Variants in FOXP1 observed in about 807,000 individuals in gnomAD.
FOXP1 encodes forkhead box protein P1.
Under a neutral mutation model 98.2 loss-of-function variants are expected in FOXP1, and 15 were observed. The observed-to-expected ratio is 0.15, with a 90% CI of 0.10 to 0.24. The LOEUF is 0.24. Among genes scored for constraint, FOXP1 ranks in the 10% least tolerant of loss-of-function variants. The probability of loss-of-function intolerance (pLI) is 1.00; values close to 1 mark genes in which losing one functional copy is unlikely to be tolerated. For missense variants in FOXP1, 633 were observed against 848.5 expected, an observed-to-expected ratio of 0.75 and a Z score of 3.15; for synonymous variants, 371 against 314.5, an observed-to-expected ratio of 1.18 and a Z score of -1.90.
intron 2 of FOXP1, among the ~76,000 whole-genome samples, chr3:71,554,495 A>T (rs1277762084): frequency 2.0e-5 from 3 of 152,222 alleles, no homozygotes; most frequent in Non-Finnish European, 4.4e-5. Flanking sequence ...CAACAGAATG[A>T]AATTCTGTTG....
At chr3:71,413,194 A>T (rs2082903512) in intron 3 of FOXP1, among the ~76,000 whole-genome samples, 1 of 92,592 alleles carries the variant, frequency 1.1e-5, no homozygotes, top group African/African-American at 4.2e-5. Flanking sequence ...AGACACACAC[A>T]CACCACCCCC....
At chr3:70,966,255 A>T (rs2034743993) in intron 19 of FOXP1, 199 bp from the exon 20 acceptor site, 2 of 614,022 alleles carry the variant, frequency 3.3e-6, no homozygotes, top group Non-Finnish European at 5.9e-6. Flanking sequence ...TTGAAGAGCT[A>T]ACTGGGGGCC....
At chr3:71,470,379 T>C (rs954315292) in intron 3 of FOXP1, among the ~76,000 whole-genome samples, 6 of 152,242 alleles carry the variant, frequency 3.9e-5, no homozygotes, top group Admixed American at 2.6e-4. Flanking sequence ...TTACTATTAT[T>C]GTTGTTATTC....
At chr3:71,293,524 G>A (rs1410033166) in intron 5 of FOXP1, among the ~76,000 whole-genome samples, 1 of 151,148 alleles carries the variant, frequency 6.6e-6, no homozygotes, top group Non-Finnish European at 1.5e-5. Flanking sequence ...ATTTGGTTTT[G>A]TATTTTTGAT....
intron 1 of FOXP1, chr3:71,582,504 A>G (rs924723848): frequency 2.0e-6 from 2 of 985,264 alleles, no homozygotes; most frequent in African/African-American, 3.5e-5. Flanking sequence ...CAAGCGAGGG[A>G]CGGAGAGCCA....
At chr3:71,320,053 T>G (rs1211009179) in intron 4 of FOXP1, among the ~76,000 whole-genome samples, 3 of 152,098 alleles carry the variant, frequency 2.0e-5, no homozygotes, top group Non-Finnish European at 4.4e-5. Flanking sequence ...CTGCCTTTGG[T>G]TTTGCTCTCC....
intron 5 of FOXP1, among the ~76,000 whole-genome samples, chr3:71,228,981 TGA>T (rs1560150505): frequency 3.4e-5 from 5 of 145,662 alleles, no homozygotes; most frequent in African/African-American, 2.5e-5. Flanking sequence ...TTTTTTTTTT[TGA>T]TGTCTCATTT....
intron 11 of FOXP1, among the ~76,000 whole-genome samples, chr3:71,025,344 C>T (rs867627672): frequency 6.6e-6 from 1 of 151,954 alleles, no homozygotes. Context: ...GGGTGGCGCA[C>T]GACTATGCAT....
intron 3 of FOXP1, among the ~76,000 whole-genome samples, chr3:71,365,707 G>T (rs138677691): frequency 7.4e-4 from 113 of 152,322 alleles, no homozygotes; most frequent in African/African-American, 2.6e-3. Context: ...TGTTCCGGCT[G>T]GGTGCGGTGG....
chr3:71,198,136 G>A, intron 6 of FOXP1, 66 bp downstream of exon 6: 1 of 1,613,464 alleles, frequency 6.2e-7, no homozygotes, highest in Non-Finnish European at 8.5e-7. Flanking sequence ...TCGCGATTAA[G>A]TGTAAAATTC....
At chr3:71,411,313 G>GTGTGTGTGTGTGTGTT (rs2082721307) in intron 3 of FOXP1, among the ~76,000 whole-genome samples, 1 of 139,498 alleles carries the variant, frequency 7.2e-6, no homozygotes, top group Non-Finnish European at 1.5e-5. Context: ...GTGTGTGTGT[G>GTGTGTGTGTGTGTGTT]TGTGTATGTG....
chr3:71,160,500 G>A lies in FOXP1; in HGVS notation c.180+37702C>T, dbSNP rs564007097. 3.9e-5 allele frequency among the ~76,000 whole-genome samples: 6 copies of A among 152,268 alleles called. No homozygotes were observed. The East Asian group carries it at 1.2e-3, about 29-fold the overall frequency. ...AATCAAGTGATAAACCACTGTTGGC[G>A]TTAAGTGAAAACAGATATTTCCACT... On this transcript the variant is annotated intron_variant, in intron 6 of 20. Coordinates refer to ENST00000649528, the MANE Select transcript of FOXP1 (RefSeq NM_001349338.3).
intron 6 of FOXP1, among the ~76,000 whole-genome samples, chr3:71,184,380 T>A (rs1473679243): frequency 6.6e-6 from 1 of 152,238 alleles, no homozygotes. Context: ...CTTACTGTAA[T>A]CTGTGCTCAT....
intron 2 of FOXP1, among the ~76,000 whole-genome samples, chr3:71,520,142 C>T (rs2042874082): frequency 6.6e-6 from 1 of 152,200 alleles, no homozygotes; most frequent in Admixed American, 6.5e-5. Context: ...TATCTTGGGA[C>T]ATTTCTTCAT....
Position 70,963,142 on chromosome 3 carries a change from CAAGACAGAGGT to C in FOXP1, c.1889+2737_1889+2747del, listed in dbSNP as rs200593780. The stretch of plus-strand genomic sequence containing the variant: ...ATTCATGAGGATTATTTACTATCCA[CAAGACAGAGGT>C]AATGATCCTGTCATGCCTGTAGGCT... On this transcript the variant is annotated intron_variant, in intron 20 of 20. Coordinates refer to ENST00000649528, the MANE Select transcript of FOXP1 (RefSeq NM_001349338.3). Among the ~76,000 whole-genome samples the C allele has an allele frequency of 6.9e-3, 1,049 of 152,300 alleles. 9 individuals are homozygous for C. The highest frequency in any genetic ancestry group is 0.024 in the Middle Eastern group (7 of 294).
chr3:71,374,056 C>T (rs930571203), intron 3 of FOXP1, among the ~76,000 whole-genome samples: 3 of 152,220 alleles, frequency 2.0e-5, no homozygotes, highest in South Asian at 2.1e-4. Context: ...TTAAAGCACC[C>T]GTCTGTTCCA....
At chr3:71,250,399 G>A (rs936275466) in intron 5 of FOXP1, among the ~76,000 whole-genome samples, 1 of 152,176 alleles carries the variant, frequency 6.6e-6, no homozygotes, top group African/African-American at 2.4e-5. Flanking sequence ...AATATGGCTA[G>A]TGTCACTGAG....
intron 20 of FOXP1, among the ~76,000 whole-genome samples, chr3:70,962,750 T>C (rs139186382): frequency 3.1e-4 from 47 of 152,288 alleles, no homozygotes; most frequent in African/African-American, 1.0e-3. Flanking sequence ...AATTGAATGA[T>C]AGAAGAATGT....
At chr3:71,260,537 A>T (rs1576635606) in intron 5 of FOXP1, among the ~76,000 whole-genome samples, 5 of 143,132 alleles carry the variant, frequency 3.5e-5, no homozygotes, top group African/African-American at 7.8e-5. Context: ...ATTTCCTTTA[A>T]TTTTTTTTTT....
Sources: gnomAD v4.1 joint callset for allele counts (sites outside exome capture counted in the v4.1 genomes callset) on GRCh38, gnomAD v4.1.1 for gene constraint, MANE v1.5 for transcripts, NCBI Gene and HGNC (gene_info 2026-07-23, HGNC 2026-07-21) for gene names.